Variants in AKAP13 observed in about 807,000 individuals in gnomAD.
The protein encoded by AKAP13 is A-kinase anchor protein 13.
Under a neutral mutation model 264.5 loss-of-function variants are expected in AKAP13, and 80 were observed. The observed-to-expected ratio is 0.30, with a 90% CI of 0.25 to 0.36. The LOEUF is 0.36. AKAP13 is among the 10% of genes least tolerant of loss of function. The pLI is 1.00. For missense variants in AKAP13, 3,712 were observed against 3,435.2 expected, an observed-to-expected ratio of 1.08 and a Z score of -2.01; for synonymous variants, 1,380 against 1,250.2, an observed-to-expected ratio of 1.10 and a Z score of -2.19.
chr15:85,674,459 T>G (rs2084104210), intron 14 of AKAP13, among the ~76,000 whole-genome samples: 1 of 152,200 alleles, frequency 6.6e-6, no homozygotes, highest in Non-Finnish European at 1.5e-5. Flanking sequence ...TCTGAAATAC[T>G]TCTGACCCCA....
At chr15:85,667,039 TA>T (rs1046537171) in intron 13 of AKAP13, among the ~76,000 whole-genome samples, 3 of 151,496 alleles carry the variant, frequency 2.0e-5, no homozygotes, top group East Asian at 1.9e-4. Context: ...ACTTACAATT[TA>T]AAAAAAAACT....
intron 3 of AKAP13, among the ~76,000 whole-genome samples, chr15:85,522,531 A>G (rs1313873410): frequency 2.0e-5 from 3 of 152,114 alleles, no homozygotes; most frequent in African/African-American, 4.8e-5. Flanking sequence ...GCAGCAGGCA[A>G]TTACTTTCTC....
chr15:85,524,875 C>CTGTGTGTG lies in AKAP13; in HGVS notation c.181+3320_181+3327dup, dbSNP rs61626116. Among the ~76,000 whole-genome samples, 799 of 147,322 alleles carry CTGTGTGTG rather than the reference C, an allele frequency of 5.4e-3. 2 individuals are homozygous for CTGTGTGTG. The highest frequency in any genetic ancestry group is 0.015 in the African/African-American group (583 of 39,554). ...TCCTGCCCCCTCTTTCCCCATTCCC[C>CTGTGTGTG]TGTGTGTGTGTGTGTGTGTGTGTGT... On this transcript the variant is annotated intron_variant, in intron 3 of 36. Transcript: ENST00000394518.
At chr15:85,663,690 C>T (rs185233142) in intron 12 of AKAP13, among the ~76,000 whole-genome samples, 132 of 152,284 alleles carry the variant, frequency 8.7e-4, no homozygotes, top group Non-Finnish European at 1.3e-3. Flanking sequence ...AAAGAAGTTT[C>T]CGCTGCAGTT....
At chr15:85,644,288 A>G (rs1335972020) in intron 9 of AKAP13, among the ~76,000 whole-genome samples, 2 of 149,784 alleles carry the variant, frequency 1.3e-5, no homozygotes, top group Non-Finnish European at 3.0e-5. Context: ...CTGGAGTGCA[A>G]TGGCGTGATC....
At chr15:85,629,876 C>T (rs1281675678) in intron 8 of AKAP13, among the ~76,000 whole-genome samples, 3 of 146,254 alleles carry the variant, frequency 2.1e-5, no homozygotes, top group Non-Finnish European at 4.5e-5. Context: ...ACCTCCCGGG[C>T]TCAAGCCAGC....
At position 85,533,541 on chromosome 15, in the gene AKAP13, G is replaced by A. The variant is rs114091184; in HGVS notation, c.182-43G>A. The A allele has an allele frequency of 8.5e-4, 1,297 of 1,530,042 alleles. 7 individuals carry two copies. In the African/African-American group the frequency reaches 0.016, roughly 18 times the overall value. The allele number at this position is 1,530,042 out of a possible 1,614,324, so 94.8% of individuals were successfully genotyped here. A position where few individuals can be genotyped will look rare whatever the true frequency, so the allele number is the denominator to read the frequency against. ...GATCCACTAGCGTCCTTTCAGCAGTGAGGCTCTAATACTGTTTTATTTGCT... is the reference window on the plus strand; with the variant it reads ...GATCCACTAGCGTCCTTTCAGCAGTAAGGCTCTAATACTGTTTTATTTGCT... On this transcript the variant is annotated intron_variant, in intron 3 of 36. Transcript: ENST00000394518.
Position 85,718,187 on chromosome 15 carries a change from T to G in AKAP13, c.6001+28T>G. On this transcript the variant is annotated intron_variant, in intron 22 of 36. Coordinates refer to ENST00000394518, the MANE Select transcript of AKAP13 (RefSeq NM_007200.5). The surrounding 1 kb of genome is among the most constrained non-coding windows in gnomAD (Gnocchi z 4.9). The stretch of plus-strand genomic sequence containing the variant: ...GAGAGTCTTCATTTTGCTCTGATTA[T>G]ATTTGATTTCCATTGTCCAGCATTT... The G allele has an allele frequency of 1.9e-6, 3 of 1,608,260 alleles. No individual in the cohort carries two copies. The highest frequency in any genetic ancestry group is 2.6e-6 in the Non-Finnish European group (3 of 1,175,554).
Position 85,465,612 on chromosome 15 carries a change from T to C in AKAP13, c.-11-20098T>C, listed in dbSNP as rs1247269638. Among the ~76,000 whole-genome samples, 19 of 151,186 alleles carry C rather than the reference T, an allele frequency of 1.3e-4. No individual in the cohort carries two copies. In the East Asian group the frequency reaches 3.1e-3, roughly 25 times the overall value. On this transcript the variant is annotated intron_variant, in intron 1 of 36. Coordinates refer to ENST00000394518, the MANE Select transcript of AKAP13 (RefSeq NM_007200.5). ...TGAGAACATGCGGTGTTTGGTTTTT[T>C]TGTCCTTGTGATAGTTTACTGAGAA...
intron 1 of AKAP13, among the ~76,000 whole-genome samples, chr15:85,387,968 A>G (rs1180644005): frequency 2.0e-5 from 3 of 151,890 alleles, no homozygotes; most frequent in East Asian, 1.9e-4. Flanking sequence ...AATTTTCTGC[A>G]TAGACATTAT....
intron 19 of AKAP13, among the ~76,000 whole-genome samples, chr15:85,711,871 C>T (rs1174226345): frequency 6.6e-6 from 1 of 152,164 alleles, no homozygotes; most frequent in Non-Finnish European, 1.5e-5. Flanking sequence ...CTTGCTTTGT[C>T]ACCCAGGCTG....
chr15:85,602,359 A>G (rs1026841611), intron 8 of AKAP13, among the ~76,000 whole-genome samples: 3 of 152,022 alleles, frequency 2.0e-5, no homozygotes, highest in African/African-American at 4.8e-5. Context: ...TATTTTTAAT[A>G]GAGATGGGGT....
chr15:85,492,081 T>C (rs966106902), intron 2 of AKAP13, among the ~76,000 whole-genome samples: 2 of 152,222 alleles, frequency 1.3e-5, no homozygotes, highest in African/African-American at 4.8e-5. Flanking sequence ...AAATACCAAG[T>C]CCACAACTGT....
At chr15:85,651,495 G>A (rs1203558925) in intron 10 of AKAP13, 2 of 152,032 alleles carry the variant, frequency 1.3e-5, no homozygotes, top group African/African-American at 2.4e-5. Flanking sequence ...CAATCTTGAG[G>A]GTACCAGTCA....
intron 29 of AKAP13, among the ~76,000 whole-genome samples, chr15:85,729,796 C>T (rs978544644): frequency 2.0e-5 from 3 of 151,962 alleles, no homozygotes; most frequent in Non-Finnish European, 2.9e-5. Context: ...ATTAGCCAGG[C>T]GTGGTGGCAC....
chr15:85,449,849 T>C (rs1188423388), intron 1 of AKAP13, among the ~76,000 whole-genome samples: 3 of 152,218 alleles, frequency 2.0e-5, no homozygotes, highest in Admixed American at 6.5e-5. Context: ...TGCACTGATA[T>C]TCATCAAGGA....
At chr15:85,429,959 A>T (rs907685132) in intron 1 of AKAP13, among the ~76,000 whole-genome samples, 1 of 152,210 alleles carries the variant, frequency 6.6e-6, no homozygotes, top group Non-Finnish European at 1.5e-5. Context: ...CTGATTCACC[A>T]TGTTTAGTTA....
At chr15:85,702,378 TTGTA>T (rs2085978079) in intron 17 of AKAP13, 1 of 152,140 alleles carries the variant, frequency 6.6e-6, no homozygotes, top group South Asian at 2.1e-4. Context: ...AGCTGAATGT[TTGTA>T]TGTAGGAAGT....
chr15:85,402,948 T>C (rs957346546), intron 1 of AKAP13, among the ~76,000 whole-genome samples: 2 of 152,254 alleles, frequency 1.3e-5, no homozygotes, highest in Non-Finnish European at 2.9e-5. Context: ...AGCACCGCTG[T>C]TACTCATGTT....
Sources: gnomAD v4.1 joint callset for allele counts (sites outside exome capture counted in the v4.1 genomes callset) on GRCh38, gnomAD v4.1.1 for gene constraint, Gnocchi (gnomAD v3.1) non-coding constraint, MANE v1.5 for transcripts, NCBI Gene and HGNC (gene_info 2026-07-23, HGNC 2026-07-21) for gene names.